Variants in TYW1B observed in about 807,000 individuals in gnomAD.
The protein encoded by TYW1B is tRNA-yW synthesizing protein 1 homolog B, also known as S-adenosyl-L-methionine-dependent tRNA 4-demethylwyosine synthase TYW1B.
TYW1B carries 73 observed loss-of-function variants against 86.9 expected under a neutral mutation model. That is an observed-to-expected ratio of 0.84 (90% CI 0.70 to 1.02). The LOEUF is 1.02. Among genes scored for constraint, TYW1B ranks in the 50% least tolerant of loss-of-function variants. The pLI is 0.00. For missense variants in TYW1B, 637 were observed against 827.4 expected (o/e 0.77, Z 2.82); for synonymous variants, 248 against 292.8 (o/e 0.85, Z 1.56).
chr7:72,656,765 T>C (rs1813215321), intron 11 of TYW1B, among the ~76,000 whole-genome samples: 1 of 152,046 alleles, frequency 6.6e-6, no homozygotes, highest in Admixed American at 6.6e-5. Flanking sequence ...TGGTGGAAGG[T>C]GAAGGGGGAG....
Position 72,810,616 on chromosome 7 carries a change from C to A in TYW1B, c.287G>T (p.Gly96Val), listed in dbSNP as rs782414363. ...CVFLVATYTD[G>V]LPTESAEWFC... ...CCACTCTGCACTTTCGGTTGGTAGG[C>A]CGTCAGTGTATGTCGCAACCAGGAA... The change falls in exon 4 of 14, where the codon GGC becomes GTC. Residue 96 changes from glycine to valine, a missense_variant. Coordinates refer to ENST00000620995, the MANE Select transcript of TYW1B (RefSeq NM_001145440.3). 1 of 1,613,810 alleles carries A rather than the reference C, an allele frequency of 6.2e-7. No homozygotes were observed. The highest frequency in any genetic ancestry group is 2.2e-5 in the East Asian group (1 of 44,878).
chr7:72,630,445 T>A (rs1554439665), intron 11 of TYW1B, among the ~76,000 whole-genome samples: 1 of 150,738 alleles, frequency 6.6e-6, no homozygotes, highest in Non-Finnish European at 1.5e-5. Context: ...AATGCCCAGG[T>A]AACACTCAGG....
intron 13 of TYW1B, among the ~76,000 whole-genome samples, chr7:72,614,285 G>GT (rs1328928352): frequency 2.6e-5 from 4 of 152,174 alleles, no homozygotes; most frequent in African/African-American, 9.7e-5. Context: ...CTTACTGGCT[G>GT]TTTCATCTTG....
At chr7:72,630,148 G>A (rs1372400233) in intron 11 of TYW1B, among the ~76,000 whole-genome samples, 5 of 152,108 alleles carry the variant, frequency 3.3e-5, no homozygotes, top group East Asian at 1.9e-4. Context: ...GCGTGGCGGC[G>A]TGCACCTGTA....
chr7:72,704,033 C>T (rs182101576), intron 10 of TYW1B, among the ~76,000 whole-genome samples: 4 of 152,196 alleles, frequency 2.6e-5, no homozygotes, highest in South Asian at 4.2e-4. Flanking sequence ...TACTGTTCCT[C>T]CCGCTTTGTA....
intron 5 of TYW1B, among the ~76,000 whole-genome samples, chr7:72,806,237 G>GT (rs71517373): frequency 5.5e-4 from 71 of 129,260 alleles, no homozygotes; most frequent in South Asian, 1.7e-3. Flanking sequence ...GTGTGTGTGG[G>GT]TTTTTTTTTT....
rs59438928 is a variant in TYW1B, at chr7:72,711,473, C to CTTTTTTTTTT, written c.1370+2138_1370+2147dup. 4.4e-3 allele frequency among the ~76,000 whole-genome samples: 250 copies of CTTTTTTTTTT among 56,966 alleles called. 41 individuals carry two copies. Among genetic ancestry groups the CTTTTTTTTTT allele is most frequent in the East Asian group, 5.7e-3 (9 of 1,566 alleles). 37.4% of individuals were successfully genotyped at this position (56,966 alleles called of 152,430 possible). ...CTTCGTGTTTCTCTCCTCTTTAATT[C>CTTTTTTTTTT]TTTTTTTTTTTTTTTTTTTTTTTTT... is the stretch of plus-strand genomic sequence containing the variant. On this transcript the variant is annotated intron_variant, in intron 10 of 13. Coordinates refer to ENST00000620995, the MANE Select transcript of TYW1B (RefSeq NM_001145440.3).
chr7:72,702,307 T>C (rs1485707738), intron 10 of TYW1B, among the ~76,000 whole-genome samples: 1 of 152,178 alleles, frequency 6.6e-6, no homozygotes, highest in African/African-American at 2.4e-5. Context: ...AATGAGACTT[T>C]GAAGGAGTTC....
intron 12 of TYW1B, among the ~76,000 whole-genome samples, chr7:72,621,628 T>C (rs1170186852): frequency 2.0e-5 from 3 of 152,174 alleles, no homozygotes; most frequent in African/African-American, 7.2e-5. Context: ...TGTTACCAGG[T>C]AACTGGTATA....
chr7:72,787,966 C>T (rs1788156796), intron 6 of TYW1B, among the ~76,000 whole-genome samples: 1 of 75,444 alleles, frequency 1.3e-5, no homozygotes, highest in South Asian at 4.1e-4. Context: ...TACCCATATT[C>T]CATCTACTTG....
intron 2 of TYW1B, among the ~76,000 whole-genome samples, chr7:72,818,784 G>T (rs782563277): frequency 2.0e-5 from 3 of 151,950 alleles, no homozygotes; most frequent in Non-Finnish European, 4.4e-5. Context: ...ACAAGAGAGA[G>T]AAGGAGGAGG....
At chr7:72,732,357 C>T (rs191626218) in intron 8 of TYW1B, among the ~76,000 whole-genome samples, 1 of 152,130 alleles carries the variant, frequency 6.6e-6, no homozygotes, top group African/African-American at 2.4e-5. Flanking sequence ...ATAAAATATT[C>T]TCCAGGGCAG....
chr7:72,668,246 A>T (rs1281844721), intron 11 of TYW1B, among the ~76,000 whole-genome samples: 1 of 152,208 alleles, frequency 6.6e-6, no homozygotes, highest in Non-Finnish European at 1.5e-5. Flanking sequence ...GTCATCCATG[A>T]CTCAATACTT....
intron 12 of TYW1B, among the ~76,000 whole-genome samples, chr7:72,625,168 A>C (rs11971435): frequency 0.012 from 1,796 of 152,286 alleles, 38 homozygotes; most frequent in African/African-American, 0.041. Context: ...GCCTATTTTC[A>C]ATAAAACATT....
intron 6 of TYW1B, among the ~76,000 whole-genome samples, chr7:72,782,619 G>A (rs1412259282): frequency 6.6e-6 from 1 of 152,148 alleles, no homozygotes; most frequent in Non-Finnish European, 1.5e-5. Flanking sequence ...GCTCACGTCT[G>A]TAATCCTAGC....
intron 8 of TYW1B, among the ~76,000 whole-genome samples, chr7:72,735,951 G>A (rs1308424897): frequency 2.0e-5 from 3 of 151,960 alleles, no homozygotes; most frequent in South Asian, 2.1e-4. Context: ...TCACAGAGTT[G>A]CACATTGTTA....
rs1554475942 is a variant in TYW1B, at chr7:72,802,435, A to G, written c.811T>C (p.Leu271=). The G allele has an allele frequency of 1.2e-6, 2 of 1,613,742 alleles. No homozygotes were observed. The highest frequency in any genetic ancestry group is 2.7e-5 in the African/African-American group (2 of 74,904). Residue 271 remains leucine, a synonymous_variant, in exon 6 of 14, where the codon TTG becomes CTG. Coordinates refer to ENST00000620995, the MANE Select transcript of TYW1B (RefSeq NM_001145440.3). ...SLNSIVDVED[L]GKIMDHVKKE... is the part of the protein sequence containing the mutation. ...TTCACGTGATCCATAATTTTGCCCA[A>G]ATCTTCAACATCAACAATGGAATTT...
At chr7:72,617,410 T>A (rs1246633546) in intron 12 of TYW1B, among the ~76,000 whole-genome samples, 8 of 152,148 alleles carry the variant, frequency 5.3e-5, no homozygotes, top group Non-Finnish European at 1.0e-4. Flanking sequence ...CTCTGTCACC[T>A]AAGCTGGAGT....
intron 13 of TYW1B, among the ~76,000 whole-genome samples, chr7:72,586,920 A>AATATATATAATATTG (rs1281447455): frequency 6.6e-6 from 1 of 152,124 alleles, no homozygotes; most frequent in Non-Finnish European, 1.5e-5. Flanking sequence ...TCAGCATTTC[A>AATATATATAATATTG]AAGGCCATAT....
Sources: allele counts gnomAD v4.1 joint callset (sites outside exome capture counted in the v4.1 genomes callset), GRCh38; gene constraint gnomAD v4.1.1; transcripts MANE v1.5; gene names NCBI Gene and HGNC (gene_info 2026-07-23, HGNC 2026-07-21).